Variants in PRKCB observed in about 807,000 individuals in gnomAD.
PRKCB encodes the protein protein kinase C beta.
PRKCB carries 13 observed loss-of-function variants against 81.5 expected under a neutral mutation model. The ratio of observed to expected loss-of-function variants is 0.16; its 90% CI spans 0.10 to 0.25. The LOEUF (loss-of-function observed/expected upper bound fraction) is 0.25. Among genes scored for constraint, PRKCB ranks in the 10% least tolerant of loss-of-function variants. The pLI is 1.00. For synonymous variants in PRKCB, 335 were observed against 321.4 expected (o/e 1.04, Z -0.45); for missense variants, 509 against 875.7 (o/e 0.58, Z 5.29).
In PRKCB at chr16:24,003,982, A is replaced by G. The variant is rs1965077936; in HGVS notation, c.288+15392A>G. Among the ~76,000 whole-genome samples, 4 of 152,242 alleles carry G rather than the reference A, an allele frequency of 2.6e-5. No homozygotes were observed. The South Asian group carries it at 8.3e-4, about 32-fold the overall frequency. ...TCTAGATGAACATATCCCAAATAAA[A>G]TAGTGAATGCTATTTTATTGTTGTC... is the stretch of plus-strand genomic sequence containing the variant. On this transcript the variant is annotated intron_variant, in intron 3 of 16. Transcript: ENST00000643927.
rs554810220 is a variant in PRKCB at position 24,197,386 on chromosome 16, G to A, written c.1863+6156G>A. ...ATGTATATATCTGGGTGAGGGGGGA[G>A]AGTGATTTGGTTGGTAGTAGCAGAT... On this transcript the variant is annotated intron_variant, in intron 16 of 16. Coordinates refer to ENST00000643927, the MANE Select transcript of PRKCB (RefSeq NM_002738.7). 3.9e-5 allele frequency among the ~76,000 whole-genome samples: 6 copies of A among 152,162 alleles called. No individual in the cohort carries two copies. In the East Asian group the frequency reaches 9.7e-4, roughly 25 times the overall value.
intron 2 of PRKCB, among the ~76,000 whole-genome samples, chr16:23,846,816 TC>T (rs1481846551): frequency 6.6e-6 from 1 of 152,040 alleles, no homozygotes; most frequent in Non-Finnish European, 1.5e-5. Context: ...TGCTCAGTGT[TC>T]CTGAAGGTTG....
intron 2 of PRKCB, among the ~76,000 whole-genome samples, chr16:23,920,057 A>AT (rs1963802268): frequency 6.6e-6 from 1 of 152,152 alleles, no homozygotes; most frequent in Non-Finnish European, 1.5e-5. Context: ...TCTATTTTTA[A>AT]TTTGTTGAGA....
chr16:24,167,997 C>G lies in PRKCB; in HGVS notation c.1240-4273C>G, dbSNP rs116573764. Among the ~76,000 whole-genome samples, 855 of 152,300 alleles carry G rather than the reference C, an allele frequency of 5.6e-3. 6 individuals are homozygous for G. Among genetic ancestry groups the G allele is most frequent in the African/African-American group, 0.02 (827 of 41,560 alleles). On this transcript the variant is annotated intron_variant, in intron 10 of 16. Coordinates refer to ENST00000643927, the MANE Select transcript of PRKCB (RefSeq NM_002738.7). ...ATCACGTGGTAAGTACCCAAGAAAGCTTAATTTCATTATTGTTGTTGTTAT... is the reference window on the plus strand; with the variant it reads ...ATCACGTGGTAAGTACCCAAGAAAGGTTAATTTCATTATTGTTGTTGTTAT...
intron 7 of PRKCB, among the ~76,000 whole-genome samples, chr16:24,112,407 C>T (rs902878395): frequency 2.0e-5 from 3 of 152,062 alleles, no homozygotes; most frequent in Admixed American, 2.0e-4. Context: ...CATGGTGGCA[C>T]ATGCCTATAG....
At chr16:24,016,630 G>T (rs1953396462) in intron 3 of PRKCB, among the ~76,000 whole-genome samples, 1 of 152,066 alleles carries the variant, frequency 6.6e-6, no homozygotes, top group Admixed American at 6.6e-5. Flanking sequence ...CAATAAAGAG[G>T]TAAAATACCT....
At chr16:23,842,586 A>G (rs1364185843) in intron 2 of PRKCB, among the ~76,000 whole-genome samples, 1 of 152,220 alleles carries the variant, frequency 6.6e-6, no homozygotes, top group Non-Finnish European at 1.5e-5. Context: ...CTTCTGAGAA[A>G]GATCTGAACT....
intron 2 of PRKCB, among the ~76,000 whole-genome samples, chr16:23,858,729 T>G (rs1176218127): frequency 6.6e-6 from 1 of 152,166 alleles, no homozygotes; most frequent in Non-Finnish European, 1.5e-5. Flanking sequence ...TGCAAGCTGT[T>G]GAGTCACTTG....
intron 3 of PRKCB, among the ~76,000 whole-genome samples, chr16:24,001,145 G>A (rs550328739): frequency 1.0e-3 from 152 of 152,262 alleles, no homozygotes; most frequent in African/African-American, 3.4e-3. Flanking sequence ...GTTACCCTCT[G>A]ACCTGCCAAG....
chr16:23,889,443 T>C (rs931586588), intron 2 of PRKCB, among the ~76,000 whole-genome samples: 1 of 152,260 alleles, frequency 6.6e-6, no homozygotes, highest in African/African-American at 2.4e-5. Flanking sequence ...ATCTAAGTGT[T>C]AGCTATTAGC....
chr16:23,840,307 C>A (rs1962242598), intron 2 of PRKCB, among the ~76,000 whole-genome samples: 1 of 152,138 alleles, frequency 6.6e-6, no homozygotes, highest in South Asian at 2.1e-4. Flanking sequence ...GAGCCCAGGG[C>A]CTCAGGTTCC....
intron 3 of PRKCB, among the ~76,000 whole-genome samples, chr16:24,030,142 C>T (rs1455703772): frequency 6.6e-6 from 1 of 152,200 alleles, no homozygotes; most frequent in East Asian, 1.9e-4. Flanking sequence ...AAGTGATCCT[C>T]CCACCTTGGC....
chr16:23,971,194 A>T (rs1162850164), intron 2 of PRKCB, among the ~76,000 whole-genome samples: 1 of 152,206 alleles, frequency 6.6e-6, no homozygotes, highest in African/African-American at 2.4e-5. Context: ...CATTGTCACC[A>T]TCTCCATCGA....
intron 7 of PRKCB, among the ~76,000 whole-genome samples, chr16:24,110,202 A>G (rs1966657517): frequency 6.9e-6 from 1 of 145,918 alleles, no homozygotes; most frequent in Admixed American, 6.8e-5. Flanking sequence ...GAGCGTCCCC[A>G]ATCTTTTAAG....
intron 7 of PRKCB, among the ~76,000 whole-genome samples, chr16:24,101,331 T>G (rs1014453403): frequency 6.6e-6 from 1 of 152,136 alleles, no homozygotes; most frequent in African/African-American, 2.4e-5. Flanking sequence ...GAGGATTGCT[T>G]CAGTTCGGGA....
chr16:24,191,183 G>A lies in PRKCB; in HGVS notation c.1816G>A (p.Glu606Lys), dbSNP rs1324557619. 1 of 1,614,112 alleles carries A rather than the reference G, an allele frequency of 6.2e-7. No individual in the cohort carries two copies. Among genetic ancestry groups the A allele is most frequent in the South Asian group, 1.1e-5 (1 of 91,076 alleles). Residue 606 changes from glutamate to lysine, a missense_variant, in exon 16 of 17, where the codon GAG (glutamate) becomes AAG (lysine). This residue lies in a region of PRKCB where 104 missense variants were observed against 160.5 expected (regional missense o/e 0.65). Transcript: ENST00000643927. ...EHAFFRYIDW[E>K]KLERKEIQPP... Reference sequence around the variant, plus strand: ...TGCATTTTTCCGGTATATTGATTGGGAGAAACTTGAACGCAAAGAGATCCA... The same window carrying A: ...TGCATTTTTCCGGTATATTGATTGGAAGAAACTTGAACGCAAAGAGATCCA...
rs1282815880 is a variant in PRKCB at position 24,123,835 on chromosome 16, A to C, written c.919A>C (p.Arg307=). The change falls in exon 9 of 17, where the codon AGG becomes CGG. Residue 307 remains arginine, a splice_region_variant and synonymous_variant. Coordinates refer to ENST00000643927, the MANE Select transcript of PRKCB (RefSeq NM_002738.7). ...ANEELRQKFE[R]AKISQGTKVP... ...TTTTCTGTGTGCTTCCTTTTTGCAG[A>C]GGGCCAAGATCAGTCAGGGAACCAA... The C allele has an allele frequency of 4.3e-6, 7 of 1,612,620 alleles. 1 individual carries two copies. In the East Asian group the frequency reaches 1.6e-4, roughly 36 times the overall value.
intron 2 of PRKCB, among the ~76,000 whole-genome samples, chr16:23,957,193 T>C (rs1333506466): frequency 6.6e-6 from 1 of 152,148 alleles, no homozygotes; most frequent in East Asian, 1.9e-4. Flanking sequence ...GTAGATAATG[T>C]ACAATGGTTT....
chr16:24,027,158 C>T (rs372058353), intron 3 of PRKCB, among the ~76,000 whole-genome samples: 1 of 152,082 alleles, frequency 6.6e-6, no homozygotes, highest in Non-Finnish European at 1.5e-5. Context: ...CCCCACCCCC[C>T]GACAGGTCCA....
Sources: gnomAD v4.1 joint callset for allele counts (sites outside exome capture counted in the v4.1 genomes callset) on GRCh38, gnomAD v4.1.1 for gene constraint, gnomAD v4.1.1 regional missense constraint, MANE v1.5 for transcripts, NCBI Gene and HGNC (gene_info 2026-07-23, HGNC 2026-07-21) for gene names.